The following TEK variants were observed in gnomAD, a reference collection of about 807,000 sequenced individuals.
TEK encodes TEK receptor tyrosine kinase.
A neutral mutation model predicts 131.8 loss-of-function variants in TEK; 43 were observed. The ratio of observed to expected loss-of-function variants is 0.33; its 90% CI spans 0.26 to 0.42. TEK has a LOEUF of 0.42. Among genes scored for constraint, TEK ranks in the 10% least tolerant of loss-of-function variants. TEK has a pLI of 1.00. For synonymous variants in TEK, 580 were observed against 491.6 expected (o/e 1.18, Z -2.38); for missense variants, 1,162 against 1,384.4 (o/e 0.84, Z 2.55).
intron 3 of TEK, 54 bp from the exon 4 acceptor site, chr9:27,169,423 G>A (rs781117863): frequency 4.8e-5 from 77 of 1,610,954 alleles, no homozygotes; most frequent in Non-Finnish European, 6.2e-5. Context: ...ACCAGACAAG[G>A]AAGCAGGTAT....
intron 1 of TEK, among the ~76,000 whole-genome samples, chr9:27,130,138 G>A (rs948959884): frequency 1.3e-5 from 2 of 152,192 alleles, no homozygotes; most frequent in Non-Finnish European, 2.9e-5. Flanking sequence ...CTTGAGAATA[G>A]TTTTACTGGA....
At chr9:27,160,895 T>C (rs1823521844) in intron 2 of TEK, among the ~76,000 whole-genome samples, 1 of 152,248 alleles carries the variant, frequency 6.6e-6, no homozygotes, top group Non-Finnish European at 1.5e-5. Context: ...AAGTCAGCTC[T>C]ATTATTTTTC....
At chr9:27,127,590 C>T (rs1247115622) in intron 1 of TEK, among the ~76,000 whole-genome samples, 1 of 152,172 alleles carries the variant, frequency 6.6e-6, no homozygotes, top group African/African-American at 2.4e-5. Flanking sequence ...AATTTAAACT[C>T]CCACCAACAG....
chr9:27,142,061 A>C (rs541493547), intron 1 of TEK, among the ~76,000 whole-genome samples: 1 of 152,228 alleles, frequency 6.6e-6, no homozygotes, highest in African/African-American at 2.4e-5. Flanking sequence ...TGTCCAGGAA[A>C]GGAAAGCTTG....
chr9:27,117,572 C>T (rs570679398), intron 1 of TEK, among the ~76,000 whole-genome samples: 53 of 152,122 alleles, frequency 3.5e-4, no homozygotes, highest in African/African-American at 1.2e-3. Flanking sequence ...GGTGTGAAGA[C>T]GTGGATGTGC....
intron 1 of TEK, among the ~76,000 whole-genome samples, chr9:27,110,618 T>G (rs1485078770): frequency 6.6e-6 from 1 of 152,230 alleles, no homozygotes; most frequent in Non-Finnish European, 1.5e-5. Context: ...ATAGGGCATA[T>G]TAATATAATT....
At chr9:27,189,209 C>T (rs994055203) in intron 9 of TEK, among the ~76,000 whole-genome samples, 13 of 152,204 alleles carry the variant, frequency 8.5e-5, no homozygotes, top group African/African-American at 1.9e-4. Context: ...CAAACAATAA[C>T]TCAGCACCTA....
At position 27,229,463 on chromosome 9, in the gene TEK, T is replaced by C; in HGVS notation, c.*231T>C. ...AATGGGCTGAAATCAGAATGCCTGT[T>C]TGTGGTTTCATATGCAATAATATAT... On this transcript the variant is annotated 3_prime_UTR_variant, in exon 23 of 23. Coordinates refer to ENST00000380036, the MANE Select transcript of TEK (RefSeq NM_000459.5). The C allele has an allele frequency of 1.8e-6, 1 of 567,972 alleles. No homozygotes were observed. The highest frequency in any genetic ancestry group is 2.2e-5 in the South Asian group (1 of 46,012). The allele number at this position is 567,972 out of a possible 1,614,324, so 35.2% of individuals were successfully genotyped here. A position where few individuals can be genotyped will look rare whatever the true frequency, so the allele number is the denominator to read the frequency against.
intron 1 of TEK, among the ~76,000 whole-genome samples, chr9:27,153,964 A>G (rs1823229268): frequency 6.6e-6 from 1 of 152,092 alleles, no homozygotes; most frequent in Non-Finnish European, 1.5e-5. Flanking sequence ...TTTATTTTTC[A>G]GCATTGTGAG....
chr9:27,183,924 G>T (rs1824495691), intron 8 of TEK, among the ~76,000 whole-genome samples: 1 of 152,148 alleles, frequency 6.6e-6, no homozygotes, highest in South Asian at 2.1e-4. Context: ...GTCAATCTGT[G>T]CAAAGCTTTG....
intron 14 of TEK, among the ~76,000 whole-genome samples, chr9:27,205,451 C>T (rs988266611): frequency 6.6e-5 from 10 of 152,124 alleles, no homozygotes; most frequent in African/African-American, 1.4e-4. Flanking sequence ...TAGGTAATGA[C>T]GTAATATATT....
intron 1 of TEK, among the ~76,000 whole-genome samples, chr9:27,111,898 C>CTT (rs34064691): frequency 9.0e-6 from 1 of 111,702 alleles, no homozygotes; most frequent in African/African-American, 3.2e-5. Context: ...TGTCACTTGA[C>CTT]TTTTTTTTTT....
At chr9:27,112,722 T>C (rs1752339642) in intron 1 of TEK, among the ~76,000 whole-genome samples, 1 of 152,192 alleles carries the variant, frequency 6.6e-6, no homozygotes, top group Admixed American at 6.5e-5. Flanking sequence ...GATGGCTTAC[T>C]GGTGAGCTCA....
intron 1 of TEK, among the ~76,000 whole-genome samples, chr9:27,129,583 T>C (rs1234004167): frequency 6.6e-6 from 1 of 152,220 alleles, no homozygotes; most frequent in African/African-American, 2.4e-5. Flanking sequence ...TACTCAAGCA[T>C]GGCTTTCAGT....
intron 10 of TEK, among the ~76,000 whole-genome samples, chr9:27,191,458 C>G (rs1824819907): frequency 6.6e-6 from 1 of 152,082 alleles, no homozygotes; most frequent in Non-Finnish European, 1.5e-5. Context: ...TTGGACTATT[C>G]TGTAAAAAGA....
chr9:27,136,035 G>A (rs918665257), intron 1 of TEK, among the ~76,000 whole-genome samples: 3 of 151,702 alleles, frequency 2.0e-5, no homozygotes, highest in African/African-American at 7.3e-5. Context: ...CTTTTCTGCG[G>A]AATTCAAATG....
intron 19 of TEK, 60 bp from the exon 20 acceptor site, chr9:27,218,717 C>T (rs10121367): frequency 2.4e-5 from 38 of 1,598,882 alleles, no homozygotes; most frequent in East Asian, 4.5e-5. Context: ...CTTTTGGGGC[C>T]GGAAAATGAG....
At chr9:27,155,927 C>T (rs370677271) in intron 1 of TEK, among the ~76,000 whole-genome samples, 1 of 151,914 alleles carries the variant, frequency 6.6e-6, no homozygotes, top group Non-Finnish European at 1.5e-5. Flanking sequence ...CTCAGCCTCC[C>T]GAGTAGCTGG....
At chr9:27,165,380 C>T (rs1310171080) in intron 2 of TEK, among the ~76,000 whole-genome samples, 1 of 152,102 alleles carries the variant, frequency 6.6e-6, no homozygotes, top group Non-Finnish European at 1.5e-5. Flanking sequence ...GCAAGAGCTG[C>T]ATGCATTTGG....
Sources: allele counts gnomAD v4.1 joint callset (sites outside exome capture counted in the v4.1 genomes callset), GRCh38; gene constraint gnomAD v4.1.1; transcripts MANE v1.5; gene names NCBI Gene and HGNC (gene_info 2026-07-23, HGNC 2026-07-21).